The following DEUP1 variants were observed in gnomAD, a reference collection of about 807,000 sequenced individuals.
DEUP1 encodes the protein coiled-coil domain containing 67.
DEUP1 carries 82 observed loss-of-function variants against 87.4 expected under a neutral mutation model. That is an observed-to-expected ratio of 0.94 (90% CI 0.78 to 1.13). DEUP1 has a LOEUF of 1.13. Among genes scored for constraint, DEUP1 ranks in the 50% most tolerant of loss-of-function variants. The pLI is 0.00. For synonymous variants in DEUP1, 214 were observed against 222.7 expected (o/e 0.96, Z 0.35); for missense variants, 663 against 681.5 (o/e 0.97, Z 0.30).
At chr11:93,390,328 T>C (rs1946728781) in intron 9 of DEUP1, among the ~76,000 whole-genome samples, 1 of 152,176 alleles carries the variant, frequency 6.6e-6, no homozygotes, top group South Asian at 2.1e-4. Context: ...AGGAGAACTA[T>C]AGCTATTCTG....
chr11:93,338,671 C>G (rs1480483142), intron 2 of DEUP1, among the ~76,000 whole-genome samples: 3 of 152,214 alleles, frequency 2.0e-5, no homozygotes, highest in East Asian at 1.9e-4. Flanking sequence ...TCCCAAAGTG[C>G]TAGAATTACA....
chr11:93,406,613 C>A (rs1055862632), intron 11 of DEUP1, among the ~76,000 whole-genome samples: 7 of 151,804 alleles, frequency 4.6e-5, no homozygotes, highest in African/African-American at 1.4e-4. Flanking sequence ...TGACAGATTT[C>A]ATTAAATAAA....
chr11:93,418,481 G>A (rs1325858567), intron 13 of DEUP1, among the ~76,000 whole-genome samples: 2 of 152,228 alleles, frequency 1.3e-5, no homozygotes, highest in East Asian at 1.9e-4. Context: ...ACCACAATGC[G>A]ATATCATCTC....
chr11:93,414,811 C>T (rs1172603605), intron 12 of DEUP1, among the ~76,000 whole-genome samples, 189 bp from the exon 13 acceptor site: 3 of 152,162 alleles, frequency 2.0e-5, no homozygotes, highest in African/African-American at 7.2e-5. Flanking sequence ...TTTAATCATT[C>T]TAAGTCCTTT....
intron 4 of DEUP1, among the ~76,000 whole-genome samples, chr11:93,361,041 T>C (rs1444178741): frequency 6.6e-6 from 1 of 151,990 alleles, no homozygotes; most frequent in Non-Finnish European, 1.5e-5. Flanking sequence ...AAAAAAATCT[T>C]GGAAGCAGCA....
intron 7 of DEUP1, 96 bp downstream of exon 7, chr11:93,371,376 T>C: frequency 8.0e-7 from 1 of 1,253,320 alleles, no homozygotes; most frequent in Non-Finnish European, 1.1e-6. Context: ...AGTTTTCTAT[T>C]ATTAATATAT....
intron 13 of DEUP1, among the ~76,000 whole-genome samples, chr11:93,432,436 C>A (rs1948131800): frequency 6.6e-6 from 1 of 152,154 alleles, no homozygotes; most frequent in Non-Finnish European, 1.5e-5. Flanking sequence ...TAGGGAAGTG[C>A]AATAGAATCG....
chr11:93,387,741 T>C (rs1946628574), intron 8 of DEUP1, among the ~76,000 whole-genome samples: 1 of 152,086 alleles, frequency 6.6e-6, no homozygotes, highest in African/African-American at 2.4e-5. Flanking sequence ...TTTTCACTCA[T>C]TTCAAATTAT....
chr11:93,432,732 A>G (rs1948141468), intron 13 of DEUP1, among the ~76,000 whole-genome samples: 1 of 152,200 alleles, frequency 6.6e-6, no homozygotes, highest in Admixed American at 6.5e-5. Flanking sequence ...AGTTAGGAAG[A>G]GAGAGTATGA....
intron 2 of DEUP1, among the ~76,000 whole-genome samples, chr11:93,338,862 G>A (rs978014108): frequency 6.6e-6 from 1 of 152,204 alleles, no homozygotes; most frequent in African/African-American, 2.4e-5. Context: ...AAATGAGGTT[G>A]TATAAAAGCA....
At chr11:93,437,302 A>C (rs777414510) in intron 13 of DEUP1, among the ~76,000 whole-genome samples, 1 of 152,252 alleles carries the variant, frequency 6.6e-6, no homozygotes, top group African/African-American at 2.4e-5. Flanking sequence ...GCAGTTGGAC[A>C]ATATAACACT....
At chr11:93,387,417 AT>A (rs1213825305) in intron 8 of DEUP1, among the ~76,000 whole-genome samples, 1 of 152,142 alleles carries the variant, frequency 6.6e-6, no homozygotes, top group African/African-American at 2.4e-5. Context: ...AACTTTCTCA[AT>A]AATGCTAAGC....
At chr11:93,391,758 A>G (rs1365759644) in intron 9 of DEUP1, among the ~76,000 whole-genome samples, 1 of 151,886 alleles carries the variant, frequency 6.6e-6, no homozygotes, top group African/African-American at 2.4e-5. Flanking sequence ...AGGTTAAACT[A>G]TGCCAAAGGG....
At chr11:93,360,688 A>G (rs1945129583) in intron 4 of DEUP1, among the ~76,000 whole-genome samples, 1 of 152,110 alleles carries the variant, frequency 6.6e-6, no homozygotes, top group Non-Finnish European at 1.5e-5. Flanking sequence ...AATGAGGAGG[A>G]CAGAGGGAAA....
At chr11:93,356,538 T>A (rs943566617) in intron 3 of DEUP1, among the ~76,000 whole-genome samples, 1 of 152,174 alleles carries the variant, frequency 6.6e-6, no homozygotes, top group Non-Finnish European at 1.5e-5. Context: ...TTAGTTGTTA[T>A]AAAAATGTAT....
intron 11 of DEUP1, among the ~76,000 whole-genome samples, chr11:93,399,162 G>T (rs12292451): frequency 0.25 from 38,345 of 151,432 alleles, 5,204 homozygotes; most frequent in Middle Eastern, 0.38. Flanking sequence ...TTGACTAACA[G>T]GGTCTTCTTG....
chr11:93,410,485 A>G (rs1317467574), intron 12 of DEUP1, among the ~76,000 whole-genome samples: 1 of 152,222 alleles, frequency 6.6e-6, no homozygotes, highest in Non-Finnish European at 1.5e-5. Context: ...TTATGGATTC[A>G]TTCTCCATTG....
intron 13 of DEUP1, among the ~76,000 whole-genome samples, chr11:93,427,657 G>A (rs1438014942): frequency 4.0e-5 from 6 of 150,920 alleles, no homozygotes; most frequent in Non-Finnish European, 8.9e-5. Flanking sequence ...CTTCTGCACA[G>A]CAAAAGAAAC....
intron 2 of DEUP1, among the ~76,000 whole-genome samples, chr11:93,337,252 G>A (rs1297993333): frequency 6.6e-6 from 1 of 152,026 alleles, no homozygotes; most frequent in Non-Finnish European, 1.5e-5. Context: ...CTTTCCCTCT[G>A]AGATATATTA....
Sources: gnomAD v4.1 joint callset for allele counts (sites outside exome capture counted in the v4.1 genomes callset) on GRCh38, gnomAD v4.1.1 for gene constraint, MANE v1.5 for transcripts, NCBI Gene and HGNC (gene_info 2026-07-23, HGNC 2026-07-21) for gene names.